ARHGAP15: variants seen among roughly 807,000 people sequenced by gnomAD.
ARHGAP15 encodes the protein Rho GTPase activating protein 15, also known as rho GTPase-activating protein 15.
Under a neutral mutation model 63.7 loss-of-function variants are expected in ARHGAP15, and 51 were observed. That is an observed-to-expected ratio of 0.80 (90% CI 0.64 to 1.01). The LOEUF is 1.01. Among genes scored for constraint, ARHGAP15 ranks in the 50% least tolerant of loss-of-function variants. The probability of loss-of-function intolerance (pLI) is 0.00; values close to 1 mark genes in which losing one functional copy is unlikely to be tolerated. For missense variants in ARHGAP15, 560 were observed against 564.6 expected, an observed-to-expected ratio of 0.99 and a Z score of 0.08; for synonymous variants, 191 against 193.8, an observed-to-expected ratio of 0.99 and a Z score of 0.12.
chr2:143,644,505 C>T (rs1680771922), intron 12 of ARHGAP15, among the ~76,000 whole-genome samples: 1 of 151,956 alleles, frequency 6.6e-6, no homozygotes. Context: ...CTTCTGAGGC[C>T]CTTCTAATCT....
chr2:143,547,464 C>G (rs781080073), intron 10 of ARHGAP15, among the ~76,000 whole-genome samples: 2 of 151,872 alleles, frequency 1.3e-5, no homozygotes, highest in Non-Finnish European at 2.9e-5. Flanking sequence ...CAAGCCTGAT[C>G]CATAAAGAAT....
rs568284918 is a variant in ARHGAP15, at chr2:143,505,556, T to G, written c.827-13710T>G. On this transcript the variant is annotated intron_variant, in intron 9 of 13. Coordinates refer to ENST00000295095, the MANE Select transcript of ARHGAP15 (RefSeq NM_018460.4). ...TGGCCTACTAATTTGGGCTCATAAC[T>G]ACTCTCCAATTACATTCCTGGAAAT... is the stretch of plus-strand genomic sequence containing the variant. Among the ~76,000 whole-genome samples, 30 of 152,330 alleles carry G rather than the reference T, an allele frequency of 2.0e-4. No homozygotes were observed. The South Asian group carries it at 5.8e-3, about 29-fold the overall frequency.
intron 13 of ARHGAP15, among the ~76,000 whole-genome samples, chr2:143,760,296 A>G (rs1475836082): frequency 2.6e-5 from 4 of 152,200 alleles, no homozygotes; most frequent in Admixed American, 2.0e-4. Context: ...AATTTGTGAT[A>G]TATTTGAAGC....
chr2:143,428,381 T>A (rs1689223871), intron 6 of ARHGAP15, among the ~76,000 whole-genome samples: 1 of 150,954 alleles, frequency 6.6e-6, no homozygotes, highest in Non-Finnish European at 1.5e-5. Context: ...AATTAAAGAG[T>A]TTGCACTGCA....
chr2:143,576,757 C>G (rs1020873275), intron 11 of ARHGAP15, among the ~76,000 whole-genome samples: 2 of 152,026 alleles, frequency 1.3e-5, no homozygotes, highest in African/African-American at 2.4e-5. Flanking sequence ...TTTTACTTAA[C>G]AATTTTACCA....
intron 11 of ARHGAP15, among the ~76,000 whole-genome samples, chr2:143,614,541 G>T (rs2105224006): frequency 1.3e-5 from 2 of 152,212 alleles, no homozygotes; most frequent in Middle Eastern, 6.8e-3. Context: ...TATATCTATT[G>T]TCATCATCGT....
At chr2:143,198,057 T>G (rs71350021) in intron 2 of ARHGAP15, among the ~76,000 whole-genome samples, 20,890 of 151,856 alleles carry the variant, frequency 0.14, 1,524 homozygotes, top group Middle Eastern at 0.24. Context: ...AGATCTAGGT[T>G]AAAATACTAC....
At position 143,212,426 on chromosome 2, in the gene ARHGAP15, A is replaced by G. The variant is rs139305185; in HGVS notation, c.235-3958A>G. Among the ~76,000 whole-genome samples, 13 of 152,340 alleles carry G rather than the reference A, an allele frequency of 8.5e-5. No homozygotes were observed. The East Asian group carries it at 2.5e-3, about 29-fold the overall frequency. On this transcript the variant is annotated intron_variant, in intron 3 of 13. Coordinates refer to ENST00000295095, the MANE Select transcript of ARHGAP15 (RefSeq NM_018460.4). ...CATTTAATGTTAAATAGGGCTTCTA[A>G]GGAACATTGGACAAATAGCTCAAGA...
At chr2:143,710,071 A>T (rs1366125979) in intron 13 of ARHGAP15, among the ~76,000 whole-genome samples, 2 of 152,226 alleles carry the variant, frequency 1.3e-5, no homozygotes, top group East Asian at 3.8e-4. Context: ...CAACCACAAT[A>T]CCTGATATCC....
At chr2:143,669,195 T>C (rs1473740063) in intron 12 of ARHGAP15, among the ~76,000 whole-genome samples, 3 of 152,168 alleles carry the variant, frequency 2.0e-5, no homozygotes, top group Admixed American at 1.3e-4. Context: ...ATTTTTCAGA[T>C]AAGAAAATTT....
intron 11 of ARHGAP15, among the ~76,000 whole-genome samples, chr2:143,567,234 A>T (rs1696266826): frequency 1.3e-5 from 2 of 151,970 alleles, no homozygotes; most frequent in African/African-American, 4.8e-5. Context: ...TGTAAGCAAG[A>T]CCTTCCCTGT....
chr2:143,150,511 G>A (rs1689772522), intron 1 of ARHGAP15, among the ~76,000 whole-genome samples: 1 of 151,988 alleles, frequency 6.6e-6, no homozygotes, highest in Non-Finnish European at 1.5e-5. Context: ...AGGATTGAAA[G>A]GAGAACTAGT....
chr2:143,273,689 A>T (rs879840803), intron 6 of ARHGAP15, among the ~76,000 whole-genome samples: 15 of 152,158 alleles, frequency 9.9e-5, no homozygotes, highest in Non-Finnish European at 1.6e-4. Context: ...TTATTTGTAC[A>T]ATTTTTTAAT....
chr2:143,214,301 C>A (rs1376487863), intron 3 of ARHGAP15, among the ~76,000 whole-genome samples: 1 of 152,024 alleles, frequency 6.6e-6, no homozygotes, highest in Non-Finnish European at 1.5e-5. Flanking sequence ...ATTTTTTCTA[C>A]GGTTACACAA....
At chr2:143,554,081 AT>A in intron 10 of ARHGAP15, among the ~76,000 whole-genome samples, 1 of 152,264 alleles carries the variant, frequency 6.6e-6, no homozygotes. Flanking sequence ...CAATGTTCTC[AT>A]TTTTATTGTA....
intron 4 of ARHGAP15, among the ~76,000 whole-genome samples, chr2:143,219,657 G>A (rs1434756382): frequency 6.6e-6 from 1 of 152,218 alleles, no homozygotes; most frequent in African/African-American, 2.4e-5. Flanking sequence ...TCTCCTGAAT[G>A]AGTGCACCAA....
chr2:143,550,556 C>G (rs529800714), intron 10 of ARHGAP15, among the ~76,000 whole-genome samples: 4 of 152,162 alleles, frequency 2.6e-5, no homozygotes, highest in Non-Finnish European at 5.9e-5. Context: ...GTATTAACCA[C>G]GTTTCAAGTG....
At chr2:143,329,159 C>T (rs1684391400) in intron 6 of ARHGAP15, among the ~76,000 whole-genome samples, 1 of 152,168 alleles carries the variant, frequency 6.6e-6, no homozygotes, top group East Asian at 1.9e-4. Context: ...GATCTCTGTT[C>T]CCTGGTCTTA....
rs184772643 is a variant in ARHGAP15 at position 143,600,755 on chromosome 2, G to A, written c.1004-23378G>A. ...TAAAGAACTTGTCTACGATGGTACC[G>A]GCTACTGTAGTATTTTAGATGATTT... On this transcript the variant is annotated intron_variant, in intron 11 of 13. Coordinates refer to ENST00000295095, the MANE Select transcript of ARHGAP15 (RefSeq NM_018460.4). 1.0e-3 allele frequency among the ~76,000 whole-genome samples: 155 copies of A among 152,108 alleles called. 1 individual carries two copies. The highest frequency in any genetic ancestry group is 3.4e-3 in the Middle Eastern group (1 of 294).
Sources: allele counts gnomAD v4.1 joint callset (sites outside exome capture counted in the v4.1 genomes callset), GRCh38; gene constraint gnomAD v4.1.1; transcripts MANE v1.5; gene names NCBI Gene and HGNC (gene_info 2026-07-23, HGNC 2026-07-21).